Variants in CTSO observed in about 807,000 individuals in gnomAD.
CTSO encodes the protein cathepsin O.
In CTSO, 40 loss-of-function variants were observed where a neutral mutation model predicts 42.4. The ratio of observed to expected loss-of-function variants is 0.94; its 90% CI spans 0.73 to 1.23. The LOEUF is 1.23. Among genes scored for constraint, CTSO ranks in the 50% most tolerant of loss-of-function variants. The pLI, the probability that CTSO is intolerant of heterozygous loss-of-function variation, is 0.00. For missense variants in CTSO, 441 were observed against 396.0 expected (o/e 1.11, Z -0.96); for synonymous variants, 156 against 146.2 (o/e 1.07, Z -0.48).
chr4:155,929,352 G>A lies in CTSO; in HGVS notation c.838+190C>T, dbSNP rs148350400. On this transcript the variant is annotated intron_variant, in intron 6 of 7. Transcript: ENST00000433477. ...GTGTGTCTTTAATTCCTCTAGCGCC[G>A]CTGGGTTAGGGTCTCCACAACTGAG... 2.0e-4 allele frequency among the ~76,000 whole-genome samples: 31 copies of A among 152,226 alleles called. No homozygotes were observed. In the East Asian group the frequency reaches 2.7e-3, roughly 13 times the overall value.
At chr4:155,926,682 C>A (rs1435526676) in intron 7 of CTSO, among the ~76,000 whole-genome samples, 1 of 152,158 alleles carries the variant, frequency 6.6e-6, no homozygotes, top group South Asian at 2.1e-4. Flanking sequence ...GGAATACTCA[C>A]TTTCAGGAAG....
At chr4:155,939,660 A>C in intron 3 of CTSO, 122 bp from the exon 4 acceptor site, 1 of 787,556 alleles carries the variant, frequency 1.3e-6, no homozygotes, top group South Asian at 2.7e-5. Context: ...TACAAAATAA[A>C]TACGCCTATC....
chr4:155,950,332 G>A (rs770942206), intron 1 of CTSO, among the ~76,000 whole-genome samples: 14 of 152,254 alleles, frequency 9.2e-5, no homozygotes, highest in African/African-American at 2.4e-4. Flanking sequence ...AGGACAGCAC[G>A]CGTCTTATTC....
In CTSO at chr4:155,925,933, G is replaced by T; in HGVS notation, c.*103C>A. On this transcript the variant is annotated 3_prime_UTR_variant, in exon 8 of 8. Coordinates refer to ENST00000433477, the MANE Select transcript of CTSO (RefSeq NM_001334.3). ...TACTAGGCCTTAGAATCTTTTGTAG[G>T]TAGTTGCTGAAACTTGAAGTTGAAT... The T allele has an allele frequency of 1.1e-6, 1 of 944,450 alleles. No homozygotes were observed. The highest frequency in any genetic ancestry group is 1.5e-5 in the South Asian group (1 of 67,154). The allele number at this position is 944,450 out of a possible 1,614,324, so 58.5% of individuals were successfully genotyped here.
intron 5 of CTSO, among the ~76,000 whole-genome samples, chr4:155,934,437 C>G (rs768220172): frequency 6.6e-6 from 1 of 152,118 alleles, no homozygotes. Context: ...ACAGGAGCTG[C>G]GAGAAGAGGG....
chr4:155,935,063 G>C (rs1743306304), intron 5 of CTSO, among the ~76,000 whole-genome samples: 1 of 152,168 alleles, frequency 6.6e-6, no homozygotes, highest in African/African-American at 2.4e-5. Flanking sequence ...GAGGGACCCA[G>C]GGGGAGGTAA....
chr4:155,947,474 G>A (rs1332930577), intron 1 of CTSO, among the ~76,000 whole-genome samples: 2 of 152,038 alleles, frequency 1.3e-5, no homozygotes, highest in Non-Finnish European at 2.9e-5. Context: ...TAGAAATGAG[G>A]ATCAATATTA....
chr4:155,932,273 C>T (rs1256739969), intron 5 of CTSO, among the ~76,000 whole-genome samples: 2 of 152,030 alleles, frequency 1.3e-5, no homozygotes, highest in African/African-American at 4.8e-5. Flanking sequence ...AAACCTAAGA[C>T]CACATGACGT....
At chr4:155,949,399 AATG>A (rs370546894) in intron 1 of CTSO, among the ~76,000 whole-genome samples, 76 of 152,262 alleles carry the variant, frequency 5.0e-4, no homozygotes, top group African/African-American at 1.6e-3. Context: ...TCCTTCCACT[AATG>A]ATGATTTATT....
chr4:155,945,733 C>T (rs142286576), intron 1 of CTSO, among the ~76,000 whole-genome samples: 54 of 152,186 alleles, frequency 3.5e-4, no homozygotes, highest in East Asian at 1.2e-3. Flanking sequence ...CTCATAAATA[C>T]GCTGTAGACA....
chr4:155,938,315 G>A (rs143666108), intron 4 of CTSO, among the ~76,000 whole-genome samples: 6 of 152,212 alleles, frequency 3.9e-5, no homozygotes, highest in Admixed American at 1.3e-4. Flanking sequence ...ATTCATTGTC[G>A]TCTACAGTGT....
intron 3 of CTSO, among the ~76,000 whole-genome samples, chr4:155,940,418 T>C (rs983315735): frequency 6.6e-6 from 1 of 151,924 alleles, no homozygotes; most frequent in Non-Finnish European, 1.5e-5. Flanking sequence ...GAATGACAAT[T>C]GGATATCTTT....
At chr4:155,952,401 T>C (rs1311656190) in intron 1 of CTSO, among the ~76,000 whole-genome samples, 2 of 152,212 alleles carry the variant, frequency 1.3e-5, no homozygotes, top group Admixed American at 1.3e-4. Context: ...CCTTTGAGCT[T>C]TGTCCTGAAA....
Position 155,928,327 on chromosome 4 carries a change from A to G in CTSO, c.931+9T>C. On this transcript the variant is annotated intron_variant, in intron 7 of 7. Coordinates refer to ENST00000433477, the MANE Select transcript of CTSO (RefSeq NM_001334.3). ...ATATTGAGGTTTTAAACACAAACTC[A>G]TGACTTACCACAAACATTACTTCCC... The G allele has an allele frequency of 6.3e-7, 1 of 1,597,978 alleles. No individual in the cohort carries two copies. Among genetic ancestry groups the G allele is most frequent in the Non-Finnish European group, 8.6e-7 (1 of 1,167,826 alleles).
chr4:155,924,848 C>G lies in CTSO; in HGVS notation c.*1188G>C, dbSNP rs1324696099. 6.6e-6 allele frequency: 1 copy of G among 152,172 alleles called. No homozygotes were observed. Among genetic ancestry groups the G allele is most frequent in the African/African-American group, 2.4e-5 (1 of 41,414 alleles). 9.4% of individuals were successfully genotyped at this position (152,172 alleles called of 1,614,324 possible). On this transcript the variant is annotated 3_prime_UTR_variant, in exon 8 of 8. Transcript: ENST00000433477. ...CTAATCAGAATTGCACCTGAAATCA[C>G]TTGTGCAATTAGTGATGCAAGAGTG...
At position 155,929,780 on chromosome 4, in the gene CTSO, G is replaced by A. The variant is rs1194265157; in HGVS notation, c.675-75C>T. On this transcript the variant is annotated intron_variant, in intron 5 of 7. Transcript: ENST00000433477. ...AATAACAATGATCTATATAATCTGT[G>A]TATGATTCTGAGTAGGTTTGGTTGC... is the stretch of plus-strand genomic sequence containing the variant. 3.6e-6 allele frequency: 5 copies of A among 1,388,554 alleles called. No homozygotes were observed. The Admixed American group carries it at 1.1e-4, about 30-fold the overall frequency. The allele number at this position is 1,388,554 out of a possible 1,614,324, so 86.0% of individuals were successfully genotyped here. A position where few individuals can be genotyped will look rare whatever the true frequency, so the allele number is the denominator to read the frequency against.
At chr4:155,945,117 C>G (rs1423296492) in intron 1 of CTSO, among the ~76,000 whole-genome samples, 1 of 151,820 alleles carries the variant, frequency 6.6e-6, no homozygotes, top group South Asian at 2.1e-4. Context: ...ATTAGCCGGG[C>G]GTGGTGGTGG....
At chr4:155,936,452 A>AG (rs1346794695) in intron 5 of CTSO, among the ~76,000 whole-genome samples, 4 of 152,220 alleles carry the variant, frequency 2.6e-5, no homozygotes, top group African/African-American at 9.6e-5. Flanking sequence ...ACTAAGTCAT[A>AG]GGGGATTCTG....
Position 155,924,201 on chromosome 4 carries a change from T to C in CTSO, c.*1835A>G, listed in dbSNP as rs777855091. On this transcript the variant is annotated 3_prime_UTR_variant, in exon 8 of 8. Transcript: ENST00000433477. ...GAACAGCAGAAACATATTAATCAGT[T>C]TGAAATTTTAGAAATCCTTTAGCAC... 6.6e-6 allele frequency: 1 copy of C among 152,214 alleles called. No individual in the cohort carries two copies. The highest frequency in any genetic ancestry group is 1.5e-5 in the Non-Finnish European group (1 of 68,044). The allele number at this position is 152,214 out of a possible 1,614,324, so 9.4% of individuals were successfully genotyped here.
Sources: allele counts gnomAD v4.1 joint callset (sites outside exome capture counted in the v4.1 genomes callset), GRCh38; gene constraint gnomAD v4.1.1; transcripts MANE v1.5; gene names NCBI Gene and HGNC (gene_info 2026-07-23, HGNC 2026-07-21).